The following RAD51B variants were observed in gnomAD, a reference collection of about 807,000 sequenced individuals.
RAD51B encodes the protein DNA repair protein RAD51 homolog 2.
RAD51B carries 38 observed loss-of-function variants against 42.2 expected under a neutral mutation model. The observed-to-expected ratio is 0.90, with a 90% CI of 0.70 to 1.18. The LOEUF (loss-of-function observed/expected upper bound fraction) is 1.18. RAD51B is among the 50% of genes most tolerant of loss of function. The pLI is 0.00. For missense variants in RAD51B, 373 were observed against 400.7 expected, an observed-to-expected ratio of 0.93 and a Z score of 0.59; for synonymous variants, 154 against 145.2, an observed-to-expected ratio of 1.06 and a Z score of -0.43.
chr14:68,511,981 A>C (rs765548361), intron 10 of RAD51B, among the ~76,000 whole-genome samples: 2 of 152,244 alleles, frequency 1.3e-5, no homozygotes, highest in Non-Finnish European at 2.9e-5. Flanking sequence ...CTAGAGGTGG[A>C]ATAAAACAGA....
chr14:68,656,868 C>A (rs1174110742), intron 11 of RAD51B, among the ~76,000 whole-genome samples: 1 of 152,126 alleles, frequency 6.6e-6, no homozygotes, highest in African/African-American at 2.4e-5. Context: ...ATTCACTATG[C>A]GGGATCAAGA....
chr14:68,277,712 G>C (rs547613101), intron 7 of RAD51B, among the ~76,000 whole-genome samples: 55 of 152,180 alleles, frequency 3.6e-4, no homozygotes, highest in South Asian at 3.5e-3. Flanking sequence ...CTTGCCACAG[G>C]TGAGAATCAG....
chr14:68,591,582 C>T (rs1191417786), intron 10 of RAD51B, among the ~76,000 whole-genome samples: 1 of 152,210 alleles, frequency 6.6e-6, no homozygotes, highest in Admixed American at 6.5e-5. Context: ...TGCTCTTCTT[C>T]CCTGGGCCTC....
intron 3 of RAD51B, among the ~76,000 whole-genome samples, chr14:67,828,485 T>G (rs1481277762): frequency 6.6e-6 from 1 of 152,198 alleles, no homozygotes; most frequent in Non-Finnish European, 1.5e-5. Context: ...TTAGTTTAAT[T>G]AGATCCCACT....
At chr14:67,865,221 T>G in intron 5 of RAD51B, 82 bp downstream of exon 5, 1 of 1,270,450 alleles carries the variant, frequency 7.9e-7, no homozygotes, top group Non-Finnish European at 1.0e-6. Context: ...AGGTTAACAT[T>G]TACCACCCCT....
chr14:68,018,666 A>G (rs2075816415), intron 7 of RAD51B, among the ~76,000 whole-genome samples: 1 of 152,174 alleles, frequency 6.6e-6, no homozygotes, highest in African/African-American at 2.4e-5. Context: ...TTTTACTTGA[A>G]GACTTAAACA....
chr14:68,664,938 A>G (rs941734014), intron 11 of RAD51B, among the ~76,000 whole-genome samples: 6 of 151,238 alleles, frequency 4.0e-5, no homozygotes, highest in African/African-American at 1.5e-4. Context: ...AATGTGCCCC[A>G]CTCCTATTTC....
intron 10 of RAD51B, among the ~76,000 whole-genome samples, chr14:68,592,510 C>T (rs1312490107): frequency 1.3e-5 from 2 of 152,164 alleles, no homozygotes; most frequent in African/African-American, 2.4e-5. Context: ...TGCAACTTTT[C>T]AAATGAGAAA....
At chr14:68,514,518 C>T (rs550290138) in intron 10 of RAD51B, among the ~76,000 whole-genome samples, 5 of 152,318 alleles carry the variant, frequency 3.3e-5, no homozygotes, top group South Asian at 2.1e-4. Flanking sequence ...CTCCAGGCCC[C>T]GGCTTCCCTG....
intron 10 of RAD51B, among the ~76,000 whole-genome samples, chr14:68,637,271 CTCTTGCT>C (rs1892360328): frequency 1.3e-5 from 2 of 152,046 alleles, no homozygotes; most frequent in African/African-American, 4.8e-5. Context: ...TAGAGATGGG[CTCTTGCT>C]ATGTTGTCCA....
intron 9 of RAD51B, among the ~76,000 whole-genome samples, chr14:68,465,951 A>AAATAAAT (rs58775455): frequency 0.011 from 1,011 of 90,474 alleles, 12 homozygotes; most frequent in African/African-American, 0.029. Flanking sequence ...AAAAAAAAAA[A>AAATAAAT]AAATAAATAA....
At chr14:68,578,674 T>G (rs1890075400) in intron 10 of RAD51B, among the ~76,000 whole-genome samples, 1 of 152,074 alleles carries the variant, frequency 6.6e-6, no homozygotes, top group Non-Finnish European at 1.5e-5. Context: ...GGAGACCAAG[T>G]TGGAAGGAAT....
intron 10 of RAD51B, among the ~76,000 whole-genome samples, chr14:68,606,768 C>T (rs1361694115): frequency 6.6e-6 from 1 of 152,208 alleles, no homozygotes; most frequent in Non-Finnish European, 1.5e-5. Flanking sequence ...TTGTTATTAA[C>T]TGAGTCGGAA....
chr14:68,405,517 T>C (rs1351317312), intron 8 of RAD51B, among the ~76,000 whole-genome samples: 1 of 152,176 alleles, frequency 6.6e-6, no homozygotes, highest in African/African-American at 2.4e-5. Flanking sequence ...TTATGGTGGA[T>C]TAATATTTGT....
chr14:68,460,027 G>C (rs940008654), intron 9 of RAD51B, among the ~76,000 whole-genome samples: 1 of 152,178 alleles, frequency 6.6e-6, no homozygotes, highest in Admixed American at 6.5e-5. Flanking sequence ...ATCAGTGCCA[G>C]CTTACCCTCA....
Position 68,477,803 on chromosome 14 carries a change from T to G in RAD51B, c.*139T>G. ...ATTGCTGTTGAGATGGTAACAGATTTGCTCCTAAACCATTGAGCTAGCGAT... is the reference window on the plus strand; with the variant it reads ...ATTGCTGTTGAGATGGTAACAGATTGGCTCCTAAACCATTGAGCTAGCGAT... On this transcript the variant is annotated 3_prime_UTR_variant, in exon 11 of 11. Transcript: ENST00000471583. The G allele has an allele frequency of 2.7e-6, 4 of 1,509,142 alleles. No homozygotes were observed. The South Asian group carries it at 5.3e-5, about 20-fold the overall frequency. The allele number at this position is 1,509,142 out of a possible 1,614,324, so 93.5% of individuals were successfully genotyped here. A position where few individuals can be genotyped will look rare whatever the true frequency, so the allele number is the denominator to read the frequency against.
chr14:68,632,523 C>T (rs186858297), intron 10 of RAD51B, among the ~76,000 whole-genome samples: 32 of 152,248 alleles, frequency 2.1e-4, no homozygotes, highest in South Asian at 4.1e-4. Context: ...GGATGGAGGC[C>T]GGGAGCTCCG....
At chr14:68,031,742 A>G (rs758997200) in intron 7 of RAD51B, among the ~76,000 whole-genome samples, 18 of 152,210 alleles carry the variant, frequency 1.2e-4, no homozygotes, top group Non-Finnish European at 2.2e-4. Context: ...AACATCTTAC[A>G]TGTCATTTCT....
chr14:68,404,288 T>C (rs991916626), intron 8 of RAD51B, among the ~76,000 whole-genome samples: 2 of 151,968 alleles, frequency 1.3e-5, no homozygotes, highest in South Asian at 2.1e-4. Context: ...AGAGAGGGAG[T>C]GAGCACCTCA....
Sources: allele counts gnomAD v4.1 joint callset (sites outside exome capture counted in the v4.1 genomes callset), GRCh38; gene constraint gnomAD v4.1.1; transcripts MANE v1.5; gene names NCBI Gene and HGNC (gene_info 2026-07-23, HGNC 2026-07-21).